The following DIP2C variants were observed in gnomAD, a reference collection of about 807,000 sequenced individuals.
DIP2C encodes the protein DIP2 acetate--CoA ligase C (putative).
In DIP2C, 33 loss-of-function variants were observed where a neutral mutation model predicts 192.4. The observed-to-expected ratio is 0.17, with a 90% confidence interval of 0.13 to 0.23. DIP2C has a LOEUF of 0.23. Among genes scored for constraint, DIP2C ranks in the 10% least tolerant of loss-of-function variants. The probability of loss-of-function intolerance (pLI) is 1.00; values close to 1 mark genes in which losing one functional copy is unlikely to be tolerated. For missense variants in DIP2C, 1,537 were observed against 2,110.1 expected, an observed-to-expected ratio of 0.73 and a Z score of 5.32; for synonymous variants, 979 against 864.1, an observed-to-expected ratio of 1.13 and a Z score of -2.33.
chr10:375,237 T>C (rs1255493453), intron 17 of DIP2C, among the ~76,000 whole-genome samples: 3 of 152,162 alleles, frequency 2.0e-5, no homozygotes, highest in African/African-American at 7.2e-5. Flanking sequence ...TCACGTGGGA[T>C]CTAGTTGTTT....
chr10:560,811 G>C (rs532778593), intron 1 of DIP2C, among the ~76,000 whole-genome samples: 87 of 152,192 alleles, frequency 5.7e-4, no homozygotes, highest in Non-Finnish European at 1.0e-3. Context: ...TGATCGGTGG[G>C]GGGTGGGACT....
chr10:672,807 G>A (rs1293050220), intron 1 of DIP2C, among the ~76,000 whole-genome samples: 2 of 152,162 alleles, frequency 1.3e-5, no homozygotes, highest in Non-Finnish European at 2.9e-5. Context: ...GATTTCTGAT[G>A]AAACTAAACC....
rs574309765 is a variant in DIP2C, at chr10:427,072, C to T, written c.395-4039G>A. 5.5e-4 allele frequency among the ~76,000 whole-genome samples: 84 copies of T among 152,308 alleles called. 1 individual carries two copies. The highest frequency in any genetic ancestry group is 1.9e-3 in the African/African-American group (79 of 41,578). On this transcript the variant is annotated intron_variant, in intron 4 of 36. Transcript: ENST00000280886. ...TAATGTAATAAATTACCTTGATCTT[C>T]GTGGCTTATAACAACACACGTATCT...
chr10:569,018 C>T (rs528639084), intron 1 of DIP2C, among the ~76,000 whole-genome samples: 1 of 152,276 alleles, frequency 6.6e-6, no homozygotes, highest in South Asian at 2.1e-4. Flanking sequence ...CAGCGGCTTC[C>T]TGGCTGAACC....
At chr10:324,922 C>A (rs777762182) in intron 31 of DIP2C, 2 of 532,646 alleles carry the variant, frequency 3.8e-6, no homozygotes, top group Non-Finnish European at 7.7e-6. Context: ...TCTTTTTTCA[C>A]GTATTTTATC....
At chr10:555,403 GAGT>G (rs1287371779) in intron 1 of DIP2C, among the ~76,000 whole-genome samples, 2 of 152,312 alleles carry the variant, frequency 1.3e-5, no homozygotes, top group Admixed American at 1.3e-4. Context: ...AACGGTGAAA[GAGT>G]AAGGACACGC....
At position 310,099 on chromosome 10, in the gene DIP2C, G is replaced by A. The variant is rs1378969513; in HGVS notation, c.3925-7C>T. 1.2e-6 allele frequency: 2 copies of A among 1,614,118 alleles called. No individual in the cohort carries two copies. Among genetic ancestry groups the A allele is most frequent in the Admixed American group, 1.7e-5 (1 of 60,022 alleles). On this transcript the variant is annotated splice_region_variant and splice_polypyrimidine_tract_variant and intron_variant, in intron 31 of 36. Coordinates refer to ENST00000280886, the MANE Select transcript of DIP2C (RefSeq NM_014974.3). ...GGTCAGGTCCTGAGGTTCCCTGCAA[G>A]CAACAACAGAGTGGTTAACTCAAGT...
At chr10:635,590 C>T (rs112944743) in intron 1 of DIP2C, among the ~76,000 whole-genome samples, 1 of 152,242 alleles carries the variant, frequency 6.6e-6, no homozygotes, top group East Asian at 1.9e-4. Context: ...GTGTGGGCTG[C>T]AGCTGCGGGG....
intron 1 of DIP2C, among the ~76,000 whole-genome samples, chr10:593,480 G>A (rs1361127718): frequency 2.7e-5 from 3 of 109,194 alleles, no homozygotes; most frequent in African/African-American, 1.1e-4. Context: ...CTCTGCCCAC[G>A]CGGGACCCCC....
intron 1 of DIP2C, among the ~76,000 whole-genome samples, chr10:617,546 G>T (rs1853552162): frequency 2.0e-5 from 3 of 152,076 alleles, no homozygotes; most frequent in Admixed American, 2.0e-4. Flanking sequence ...GCTGTGGAGG[G>T]TGTGTCCTCT....
At chr10:345,363 A>AC (rs11371501) in intron 26 of DIP2C, among the ~76,000 whole-genome samples, 149,137 of 152,138 alleles carry the variant, frequency 0.98, 73,151 homozygotes, top group East Asian at 1. Context: ...CAGCGTTGTG[A>AC]CATGTGCAGA....
intron 1 of DIP2C, among the ~76,000 whole-genome samples, chr10:602,546 C>T (rs1021341766): frequency 1.3e-5 from 2 of 152,190 alleles, no homozygotes; most frequent in Admixed American, 6.5e-5. Flanking sequence ...TCCTCCGCCA[C>T]GTGAGGCCCA....
intron 10 of DIP2C, among the ~76,000 whole-genome samples, chr10:394,216 C>T (rs1327793861): frequency 2.6e-5 from 4 of 152,278 alleles, no homozygotes; most frequent in South Asian, 2.1e-4. Flanking sequence ...GCACACTGGG[C>T]GCTATTCAGC....
intron 28 of DIP2C, 75 bp from the exon 29 acceptor site, chr10:341,404 G>A (rs1423565148): frequency 6.9e-7 from 1 of 1,447,222 alleles, no homozygotes; most frequent in Non-Finnish European, 9.2e-7. Context: ...GGGGCTGCAG[G>A]GAACGCAAGG....
At chr10:284,897 T>C (rs886378164) in intron 34 of DIP2C, among the ~76,000 whole-genome samples, 5 of 152,114 alleles carry the variant, frequency 3.3e-5, no homozygotes, top group Non-Finnish European at 7.4e-5. Context: ...ACACACATTC[T>C]TAATAAGAAA....
At chr10:678,597 C>T (rs528138355) in intron 1 of DIP2C, among the ~76,000 whole-genome samples, 204 of 146,866 alleles carry the variant, frequency 1.4e-3, no homozygotes, top group Middle Eastern at 7.5e-3. Flanking sequence ...GCCATGCTCC[C>T]CACACTCGTG....
At chr10:585,799 C>A (rs920765543) in intron 1 of DIP2C, among the ~76,000 whole-genome samples, 2 of 152,126 alleles carry the variant, frequency 1.3e-5, no homozygotes, top group Non-Finnish European at 2.9e-5. Context: ...ATTTTAATCA[C>A]CAACAACACT....
chr10:485,380 C>T (rs1369278970), intron 2 of DIP2C, among the ~76,000 whole-genome samples: 1 of 152,206 alleles, frequency 6.6e-6, no homozygotes, highest in Non-Finnish European at 1.5e-5. Context: ...TGAAGCCTCT[C>T]GCCCCAGCAT....
chr10:332,204 G>C (rs1015652301), intron 29 of DIP2C, among the ~76,000 whole-genome samples: 2 of 152,032 alleles, frequency 1.3e-5, no homozygotes, highest in African/African-American at 4.8e-5. Context: ...CTCCTGCCTC[G>C]GACACCCAAA....
Sources: allele counts gnomAD v4.1 joint callset (sites outside exome capture counted in the v4.1 genomes callset), GRCh38; gene constraint gnomAD v4.1.1; transcripts MANE v1.5; gene names NCBI Gene and HGNC (gene_info 2026-07-23, HGNC 2026-07-21).